Variants in EXOC6B observed in about 807,000 individuals in gnomAD.
EXOC6B encodes SEC15 homolog B.
Under a neutral mutation model 113.5 loss-of-function variants are expected in EXOC6B, and 54 were observed. That is an observed-to-expected ratio of 0.48 (90% CI 0.38 to 0.60). The LOEUF (loss-of-function observed/expected upper bound fraction) is 0.60, where lower values mean the gene tolerates loss of function less well. Ranked by LOEUF, EXOC6B falls within the 20% of genes least tolerant of loss-of-function variation. The pLI, the probability that EXOC6B is intolerant of heterozygous loss-of-function variation, is 0.00. For missense variants in EXOC6B, 797 were observed against 977.5 expected, an observed-to-expected ratio of 0.82 and a Z score of 2.46; for synonymous variants, 357 against 339.0, an observed-to-expected ratio of 1.05 and a Z score of -0.58.
chr2:72,584,504 A>G (rs1705428321), intron 6 of EXOC6B, among the ~76,000 whole-genome samples: 1 of 152,228 alleles, frequency 6.6e-6, no homozygotes, highest in South Asian at 2.1e-4. Context: ...GAGAACACAG[A>G]TTCATAAAAC....
intron 8 of EXOC6B, among the ~76,000 whole-genome samples, chr2:72,533,786 G>A (rs1420966696): frequency 6.6e-6 from 1 of 152,060 alleles, no homozygotes; most frequent in Non-Finnish European, 1.5e-5. Context: ...TAATGCCAAT[G>A]TATTTATTTT....
chr2:72,247,822 C>T (rs1392287166), intron 20 of EXOC6B, among the ~76,000 whole-genome samples: 1 of 152,080 alleles, frequency 6.6e-6, no homozygotes, highest in African/African-American at 2.4e-5. Context: ...TCCTTTAATG[C>T]TTTGTTTTGA....
rs75544479 is a variant in EXOC6B at position 72,724,323 on chromosome 2, G to A, written c.465-6016C>T. ...AAATGAAGAGTCGTTGGGGACTCCT[G>A]AGCTATTCAGAGTAGATTATAGACG... On this transcript the variant is annotated intron_variant, in intron 5 of 21. Transcript: ENST00000272427. 2.0e-5 allele frequency among the ~76,000 whole-genome samples: 3 copies of A among 152,248 alleles called. No individual in the cohort carries two copies. In the East Asian group the frequency reaches 5.8e-4, roughly 29 times the overall value.
intron 6 of EXOC6B, among the ~76,000 whole-genome samples, chr2:72,619,738 G>A (rs1303856855): frequency 6.6e-6 from 1 of 152,166 alleles, no homozygotes; most frequent in Non-Finnish European, 1.5e-5. Flanking sequence ...GGTAAGTGAG[G>A]GAACTGAGGG....
intron 6 of EXOC6B, among the ~76,000 whole-genome samples, chr2:72,689,463 T>G (rs182814568): frequency 1.0e-3 from 158 of 152,332 alleles, no homozygotes; most frequent in Non-Finnish European, 1.3e-3. Flanking sequence ...TAATATCTAC[T>G]TTGTTTAAAG....
chr2:72,221,003 A>G (rs1466943064), intron 20 of EXOC6B, among the ~76,000 whole-genome samples: 2 of 152,164 alleles, frequency 1.3e-5, no homozygotes, highest in African/African-American at 4.8e-5. Flanking sequence ...CTCTCTAGCT[A>G]TTTTGAAACG....
Position 72,693,287 on chromosome 2 carries a change from G to GT in EXOC6B, c.669+24815dup, listed in dbSNP as rs563080296. On this transcript the variant is annotated intron_variant, in intron 6 of 21. Coordinates refer to ENST00000272427, the MANE Select transcript of EXOC6B (RefSeq NM_015189.3). ...ATCTCCATATGTATAAGGTTTGCAG[G>GT]TTTTTTTTTTTTCTTTGAGACGGAG... Among the ~76,000 whole-genome samples the GT allele has an allele frequency of 1.2e-3, 180 of 146,776 alleles. 2 individuals carry two copies. The highest frequency in any genetic ancestry group is 1.8e-3 in the African/African-American group (71 of 40,424).
intron 6 of EXOC6B, among the ~76,000 whole-genome samples, chr2:72,636,676 T>C (rs1672858243): frequency 6.6e-6 from 1 of 152,156 alleles, no homozygotes; most frequent in South Asian, 2.1e-4. Flanking sequence ...GAAATAGAGA[T>C]GAATTTCCTT....
chr2:72,381,068 C>T (rs909100174), intron 18 of EXOC6B, among the ~76,000 whole-genome samples: 3 of 152,148 alleles, frequency 2.0e-5, no homozygotes, highest in East Asian at 1.9e-4. Context: ...AATCATGTTC[C>T]TCCCAGTCCC....
At position 72,671,466 on chromosome 2, in the gene EXOC6B, G is replaced by A. The variant is rs138373970; in HGVS notation, c.669+46637C>T. On this transcript the variant is annotated intron_variant, in intron 6 of 21. Coordinates refer to ENST00000272427, the MANE Select transcript of EXOC6B (RefSeq NM_015189.3). ...TCCCAGCACTCTGGGAAGCTGAGGCGGGTGGATCACCTGAGGTCAGGACAG... is the reference window on the plus strand; with the variant it reads ...TCCCAGCACTCTGGGAAGCTGAGGCAGGTGGATCACCTGAGGTCAGGACAG... Among the ~76,000 whole-genome samples the A allele has an allele frequency of 3.9e-5, 6 of 152,200 alleles. No homozygotes were observed. The East Asian group carries it at 5.8e-4, about 15-fold the overall frequency.
intron 18 of EXOC6B, among the ~76,000 whole-genome samples, chr2:72,387,697 A>T (rs1258730308): frequency 6.6e-6 from 1 of 152,070 alleles, no homozygotes; most frequent in African/African-American, 2.4e-5. Flanking sequence ...GTCTGTAGTG[A>T]TATTCCTATT....
intron 6 of EXOC6B, among the ~76,000 whole-genome samples, chr2:72,592,955 A>G (rs923672481): frequency 9.9e-5 from 15 of 152,168 alleles, no homozygotes; most frequent in African/African-American, 3.1e-4. Flanking sequence ...TCAAATTTTC[A>G]GCCCCACCCC....
intron 18 of EXOC6B, among the ~76,000 whole-genome samples, chr2:72,409,544 A>T (rs1017323107): frequency 3.3e-5 from 5 of 152,242 alleles, no homozygotes; most frequent in African/African-American, 9.6e-5. Flanking sequence ...GCCATAAAAA[A>T]TGATGAGTTC....
intron 7 of EXOC6B, among the ~76,000 whole-genome samples, chr2:72,561,752 T>C (rs1272556096): frequency 6.6e-6 from 1 of 152,170 alleles, no homozygotes; most frequent in Non-Finnish European, 1.5e-5. Context: ...CAAAGGCCAC[T>C]TTTTGTCATC....
chr2:72,280,929 T>A (rs1685089465), intron 20 of EXOC6B, among the ~76,000 whole-genome samples: 1 of 152,086 alleles, frequency 6.6e-6, no homozygotes, highest in Non-Finnish European at 1.5e-5. Context: ...AACAGCCTAT[T>A]GGCATAGGCC....
intron 6 of EXOC6B, among the ~76,000 whole-genome samples, chr2:72,674,151 T>C (rs1315060931): frequency 6.6e-6 from 1 of 152,226 alleles, no homozygotes; most frequent in Non-Finnish European, 1.5e-5. Flanking sequence ...TTTGATTTTA[T>C]GAGACTCTAT....
At chr2:72,243,254 A>G (rs1278343304) in intron 20 of EXOC6B, among the ~76,000 whole-genome samples, 1 of 152,206 alleles carries the variant, frequency 6.6e-6, no homozygotes, top group African/African-American at 2.4e-5. Flanking sequence ...TATATACCCA[A>G]AGGATTATAA....
At chr2:72,565,499 G>A (rs1401250323) in intron 7 of EXOC6B, among the ~76,000 whole-genome samples, 1 of 151,834 alleles carries the variant, frequency 6.6e-6, no homozygotes, top group Non-Finnish European at 1.5e-5. Flanking sequence ...AAACGTAAAA[G>A]GTCTGGGAGG....
chr2:72,728,108 C>A (rs1057460038), intron 5 of EXOC6B, among the ~76,000 whole-genome samples: 13 of 152,036 alleles, frequency 8.6e-5, no homozygotes, highest in Admixed American at 6.6e-4. Context: ...AATAACAGGA[C>A]CTCCCACAAA....
Sources: gnomAD v4.1 joint callset for allele counts (sites outside exome capture counted in the v4.1 genomes callset) on GRCh38, gnomAD v4.1.1 for gene constraint, MANE v1.5 for transcripts, NCBI Gene and HGNC (gene_info 2026-07-23, HGNC 2026-07-21) for gene names.